Variants in MAPKBP1 observed in about 807,000 individuals in gnomAD.
MAPKBP1 encodes the protein mitogen-activated protein kinase binding protein 1.
MAPKBP1 carries 71 observed loss-of-function variants against 170.5 expected under a neutral mutation model. The observed-to-expected ratio is 0.42, with a 90% CI of 0.34 to 0.51. The LOEUF (loss-of-function observed/expected upper bound fraction) is 0.51, where lower values mean the gene tolerates loss of function less well. Ranked by LOEUF, MAPKBP1 falls within the 20% of genes least tolerant of loss-of-function variation. The pLI is 0.06. For synonymous variants in MAPKBP1, 719 were observed against 757.9 expected (o/e 0.95, Z 0.84); for missense variants, 1,598 against 1,933.0 (o/e 0.83, Z 3.25).
rs771792833 is a variant in MAPKBP1, at chr15:41,812,579, G to A, written c.562G>A (p.Asp188Asn). The A allele has an allele frequency of 1.2e-6, 2 of 1,614,146 alleles. No homozygotes were observed. Among genetic ancestry groups the A allele is most frequent in the Non-Finnish European group, 1.7e-6 (2 of 1,180,014 alleles). ...GGTGACAGCAGTGTCCTTCTCTGAGGATTGCAGCTACTTTGTCACTGCAGG... is the reference window on the plus strand; with the variant it reads ...GGTGACAGCAGTGTCCTTCTCTGAGAATTGCAGCTACTTTGTCACTGCAGG... The part of the protein sequence containing the change: ...SRVTAVSFSE[D>N]CSYFVTAGNR... The change falls in exon 7 of 31, where the codon GAT (aspartate) becomes AAT (asparagine). Residue 188 changes from aspartate (D) to asparagine (N), a missense_variant. Physicochemically the swap from Asp to Asn is conservative, Grantham distance 23 (BLOSUM62 1). Transcript: ENST00000457542.
At chr15:41,800,055 G>A (rs1343213039) in intron 3 of MAPKBP1, 141 bp downstream of exon 3, 20 of 709,320 alleles carry the variant, frequency 2.8e-5, no homozygotes, top group Admixed American at 1.4e-4. Context: ...GTAAAGAGAC[G>A]CAGGACCAGG....
At chr15:41,804,535 G>A (rs2064656707) in intron 3 of MAPKBP1, among the ~76,000 whole-genome samples, 2 of 152,236 alleles carry the variant, frequency 1.3e-5, no homozygotes, top group South Asian at 2.1e-4. Flanking sequence ...AGGCCTTGGG[G>A]TGCTGCTTGG....
chr15:41,788,024 C>CT (rs2064329925), intron 2 of MAPKBP1, among the ~76,000 whole-genome samples: 2 of 152,104 alleles, frequency 1.3e-5, no homozygotes, highest in Admixed American at 1.3e-4. Flanking sequence ...GTGGCACTAT[C>CT]TCAGCTCACT....
At chr15:41,799,947 A>C (rs984821981) in intron 3 of MAPKBP1, 33 bp downstream of exon 3, 3 of 1,576,992 alleles carry the variant, frequency 1.9e-6, no homozygotes, top group African/African-American at 2.7e-5. Context: ...ATCTTGATGC[A>C]TGGGAATTTA....
Position 41,806,673 on chromosome 15 carries a change from GTGCTGAGT to G in MAPKBP1, c.207-4206_207-4199del, listed in dbSNP as rs537678045. Among the ~76,000 whole-genome samples, 645 of 152,328 alleles carry G rather than the reference GTGCTGAGT, an allele frequency of 4.2e-3. 5 individuals are homozygous for G. The highest frequency in any genetic ancestry group is 0.015 in the African/African-American group (612 of 41,574). On this transcript the variant is annotated intron_variant, in intron 3 of 30. Transcript: ENST00000457542. Reference sequence around the variant, plus strand: ...GTGAGCAGCCGCCCTGCACCCTCAGGTGCTGAGTTGCAGGACTCAGCTGATTGGTCCAA... The same window carrying G: ...GTGAGCAGCCGCCCTGCACCCTCAGGTGCAGGACTCAGCTGATTGGTCCAA...
chr15:41,814,551 C>G lies in MAPKBP1; in HGVS notation c.982C>G (p.Arg328Gly). 6.2e-7 allele frequency: 1 copy of G among 1,613,980 alleles called. No individual in the cohort carries two copies. The highest frequency in any genetic ancestry group is 1.1e-5 in the South Asian group (1 of 91,028). ...GTGTGCCCTGTCCTCTCCCTACAGTCGCCTCTTCTCTGGAGTGGCGAATGC... is the reference window on the plus strand; with the variant it reads ...GTGTGCCCTGTCCTCTCCCTACAGTGGCCTCTTCTCTGGAGTGGCGAATGC... ...TDIASVTEAS[R>G]LFSGVANARY... Residue 328 changes from arginine to glycine, a missense_variant and splice_region_variant, in exon 10 of 31, where the codon CGC (arginine) becomes GGC (glycine). Physicochemically the swap from Arg to Gly is moderately radical, Grantham distance 125. This residue lies in a region of MAPKBP1 where 430 missense variants were observed against 617.2 expected (regional missense o/e 0.70). Transcript: ENST00000457542.
Position 41,813,763 on chromosome 15 carries a change from C to T in MAPKBP1, c.962C>T (p.Ala321Val). The change falls in exon 9 of 31, where the codon GCT becomes GTT. Residue 321 changes from alanine (A) to valine (V), a missense_variant. This residue lies in a region of MAPKBP1 where 430 missense variants were observed against 617.2 expected (regional missense o/e 0.70). Coordinates refer to ENST00000457542, the MANE Select transcript of MAPKBP1 (RefSeq NM_014994.3). ...CCCCATGCTCTGGGGACAGACATTG[C>T]TAGCGTCACCGAGGCCAGGTGAGCT... ...PRPHALGTDI[A>V]SVTEASRLFS... 1 of 1,600,818 alleles carries T rather than the reference C, an allele frequency of 6.2e-7. No homozygotes were observed. Among genetic ancestry groups the T allele is most frequent in the Non-Finnish European group, 8.5e-7 (1 of 1,173,358 alleles).
intron 2 of MAPKBP1, among the ~76,000 whole-genome samples, chr15:41,791,965 G>C (rs2064403781): frequency 6.6e-6 from 1 of 151,430 alleles, no homozygotes; most frequent in African/African-American, 2.4e-5. Flanking sequence ...TGAGGCAGTA[G>C]AATCACTTGA....
chr15:41,812,230 A>G, intron 6 of MAPKBP1, 103 bp downstream of exon 6: 2 of 1,447,458 alleles, frequency 1.4e-6, no homozygotes, highest in Non-Finnish European at 9.5e-7. Flanking sequence ...ACCCCACTGA[A>G]CCATTCTCAT....
At chr15:41,819,555 G>GGGGGGGGC (rs1555454090) in intron 21 of MAPKBP1, 40 bp from the exon 22 acceptor site, 3 of 1,481,942 alleles carry the variant, frequency 2.0e-6, no homozygotes, top group South Asian at 2.3e-5. Flanking sequence ...GGCGGGGGGG[G>GGGGGGGGC]GGCAGGAGAC....
intron 2 of MAPKBP1, among the ~76,000 whole-genome samples, chr15:41,780,780 G>A (rs900015603): frequency 1.3e-5 from 2 of 151,524 alleles, no homozygotes; most frequent in African/African-American, 2.4e-5. Context: ...AAAAAAGTTG[G>A]TGAGGAAGGC....
At position 41,817,949 on chromosome 15, in the gene MAPKBP1, C is replaced by G; in HGVS notation, c.1905-60C>G. On this transcript the variant is annotated intron_variant, in intron 16 of 30. Coordinates refer to ENST00000457542, the MANE Select transcript of MAPKBP1 (RefSeq NM_014994.3). This position sits in a 1 kb window ranked among gnomAD's most constrained non-coding sequence, Gnocchi z 4.2. ...TGGGAGTGAAAGCTGGCATTTCCAT[C>G]CCCCAGGCGTGTTCCACCTTCACCG... 1.3e-6 allele frequency: 2 copies of G among 1,565,100 alleles called. No individual in the cohort carries two copies. The highest frequency in any genetic ancestry group is 8.8e-7 in the Non-Finnish European group (1 of 1,135,928).
In MAPKBP1 at chr15:41,792,815, C is replaced by G. The variant is rs75975029; in HGVS notation, c.115-7008C>G. Among the ~76,000 whole-genome samples the G allele has an allele frequency of 9.6e-3, 1,457 of 152,264 alleles. 19 individuals carry two copies. The highest frequency in any genetic ancestry group is 0.034 in the African/African-American group (1,401 of 41,540). On this transcript the variant is annotated intron_variant, in intron 2 of 30. Transcript: ENST00000457542. ...AGTAATTTTCTCGCAGGGCCTCTTT[C>G]CTAACTCACTTTCTTCAAGCGATCC...
chr15:41,778,453 G>A (rs1308860611), intron 2 of MAPKBP1, among the ~76,000 whole-genome samples: 1 of 152,222 alleles, frequency 6.6e-6, no homozygotes, highest in East Asian at 1.9e-4. Flanking sequence ...GTGTGAGAGA[G>A]CCAGTGGAGG....
At chr15:41,775,416 T>G (rs1400225213) in intron 2 of MAPKBP1, 27 bp downstream of exon 2, 10 of 1,527,778 alleles carry the variant, frequency 6.5e-6, no homozygotes, top group South Asian at 2.2e-5. Context: ...TCCACCTCTT[T>G]CCAAACCCAC....
intron 2 of MAPKBP1, among the ~76,000 whole-genome samples, chr15:41,780,425 G>T (rs1106934): frequency 0.15 from 22,999 of 152,138 alleles, 2,643 homozygotes; most frequent in East Asian, 0.68. Context: ...TGAAATTGGG[G>T]CTATGTTTAT....
At chr15:41,824,681 C>A in intron 30 of MAPKBP1, 112 bp downstream of exon 30, 1 of 1,047,722 alleles carries the variant, frequency 9.5e-7, no homozygotes, top group Non-Finnish European at 1.4e-6. Context: ...CAGGATGGCA[C>A]ACTCAAGAAC....
At position 41,818,447 on chromosome 15, in the gene MAPKBP1, C is replaced by A; in HGVS notation, c.2093-72C>A. The stretch of plus-strand genomic sequence containing the variant: ...CTACCCTGCAGCCAACCCCCGTGTC[C>A]ACTGTTGGGATGGAGAGGACTTGGT... On this transcript the variant is annotated intron_variant, in intron 18 of 30. Coordinates refer to ENST00000457542, the MANE Select transcript of MAPKBP1 (RefSeq NM_014994.3). The surrounding 1 kb of genome is among the most constrained non-coding windows in gnomAD (Gnocchi z 5.2). The A allele has an allele frequency of 1.3e-6, 2 of 1,504,428 alleles. No individual in the cohort carries two copies. Among genetic ancestry groups the A allele is most frequent in the Admixed American group, 3.4e-5 (2 of 58,438 alleles). The allele number at this position is 1,504,428 out of a possible 1,614,324, so 93.2% of individuals were successfully genotyped here.
At chr15:41,782,253 C>T (rs1391826593) in intron 2 of MAPKBP1, among the ~76,000 whole-genome samples, 6 of 99,040 alleles carry the variant, frequency 6.1e-5, no homozygotes, top group African/African-American at 2.2e-4. Context: ...TAGCGAGGCT[C>T]TGTCTCAAAA....
Sources: allele counts gnomAD v4.1 joint callset (sites outside exome capture counted in the v4.1 genomes callset), GRCh38; gene constraint gnomAD v4.1.1; regional missense constraint gnomAD v4.1.1; non-coding constraint Gnocchi (gnomAD v3.1); transcripts MANE v1.5; gene names NCBI Gene and HGNC (gene_info 2026-07-23, HGNC 2026-07-21).